The following NPSR1 variants were observed in gnomAD, a reference collection of about 807,000 sequenced individuals.
NPSR1 encodes neuropeptide S receptor 1.
In NPSR1, 48 loss-of-function variants were observed where a neutral mutation model predicts 46.9. The observed-to-expected ratio is 1.02, with a 90% confidence interval of 0.81 to 1.30. NPSR1 has a LOEUF of 1.30. Among genes scored for constraint, NPSR1 ranks in the 50% most tolerant of loss-of-function variants. The pLI is 0.00. For missense variants in NPSR1, 450 were observed against 449.5 expected (o/e 1.00, Z -0.01); for synonymous variants, 176 against 168.1 (o/e 1.05, Z -0.36).
At chr7:34,710,247 G>A (rs935034248) in intron 2 of NPSR1, among the ~76,000 whole-genome samples, 1 of 152,190 alleles carries the variant, frequency 6.6e-6, no homozygotes, top group Non-Finnish European at 1.5e-5. Context: ...GTTTGTAGAG[G>A]ATGAGTTTTT....
chr7:34,750,019 T>A (rs2128723318), intron 2 of NPSR1, among the ~76,000 whole-genome samples: 1 of 152,246 alleles, frequency 6.6e-6, no homozygotes, highest in East Asian at 1.9e-4. Context: ...ATTTATTCAT[T>A]AGAAAACAAG....
At chr7:34,722,451 C>T (rs1783909203) in intron 2 of NPSR1, among the ~76,000 whole-genome samples, 1 of 152,086 alleles carries the variant, frequency 6.6e-6, no homozygotes, top group South Asian at 2.1e-4. Flanking sequence ...GTTGTTATAT[C>T]TGGAGGAAAA....
rs376750816 is a variant in NPSR1, at chr7:34,714,508, C to T, written c.280+29824C>T. On this transcript the variant is annotated intron_variant, in intron 2 of 8. Transcript: ENST00000360581. ...AATAAGTCAATCCAATGGTGCACTTCAGAAGTGACCGTAAAACTCTCCTGT... is the reference window on the plus strand; with the variant it reads ...AATAAGTCAATCCAATGGTGCACTTTAGAAGTGACCGTAAAACTCTCCTGT... Among the ~76,000 whole-genome samples, 29 of 152,312 alleles carry T rather than the reference C, an allele frequency of 1.9e-4. No homozygotes were observed. The East Asian group carries it at 5.4e-3, about 28-fold the overall frequency.
intron 4 of NPSR1, among the ~76,000 whole-genome samples, chr7:34,818,681 A>C (rs1789382491): frequency 6.6e-6 from 1 of 152,242 alleles, no homozygotes; most frequent in Admixed American, 6.5e-5. Flanking sequence ...GTACAAGGCC[A>C]CAGTAACCAA....
chr7:34,681,536 T>C (rs1249769191), intron 1 of NPSR1, among the ~76,000 whole-genome samples: 4 of 152,196 alleles, frequency 2.6e-5, no homozygotes, highest in Non-Finnish European at 5.9e-5. Context: ...AAGAGATAGA[T>C]AGCACCTCTT....
chr7:34,700,867 A>G (rs1324316924), intron 2 of NPSR1, among the ~76,000 whole-genome samples: 2 of 152,210 alleles, frequency 1.3e-5, no homozygotes, highest in Non-Finnish European at 2.9e-5. Flanking sequence ...GTATAGTAAG[A>G]GGCATATTAT....
intron 2 of NPSR1, among the ~76,000 whole-genome samples, chr7:34,748,313 G>A (rs764250628): frequency 4.6e-5 from 7 of 152,294 alleles, no homozygotes; most frequent in African/African-American, 9.6e-5. Context: ...TCATGCCAGC[G>A]TCTGGCGGCA....
chr7:34,751,038 T>C, intron 2 of NPSR1: 1 of 774,258 alleles, frequency 1.3e-6, no homozygotes, highest in Non-Finnish European at 2.4e-6. Context: ...AGACTCAGGG[T>C]TGATGAGCAG....
intron 2 of NPSR1, among the ~76,000 whole-genome samples, chr7:34,768,045 T>A (rs562013621): frequency 5.7e-4 from 87 of 152,124 alleles, no homozygotes; most frequent in Non-Finnish European, 1.1e-3. Flanking sequence ...ATGCTAGAGA[T>A]GATAGATATG....
intron 2 of NPSR1, among the ~76,000 whole-genome samples, chr7:34,767,613 T>C (rs1303606181): frequency 2.0e-5 from 3 of 152,122 alleles, no homozygotes; most frequent in Admixed American, 6.5e-5. Flanking sequence ...GAGAACAAAG[T>C]ATTTAAAAAT....
Position 34,849,775 on chromosome 7 carries a change from A to G in NPSR1, c.*120A>G. The G allele has an allele frequency of 6.6e-7, 1 of 1,518,610 alleles. No homozygotes were observed. Among genetic ancestry groups the G allele is most frequent in the Non-Finnish European group, 8.8e-7 (1 of 1,135,926 alleles). 94.1% of individuals were successfully genotyped at this position (1,518,610 alleles called of 1,614,324 possible). On this transcript the variant is annotated 3_prime_UTR_variant, in exon 9 of 9. Transcript: ENST00000360581. Reference sequence around the variant, plus strand: ...CACCCCACCCTCGTCATTACCTGGGAGATGCACAAGACAAATGTTCTAATG... The same window carrying G: ...CACCCCACCCTCGTCATTACCTGGGGGATGCACAAGACAAATGTTCTAATG...
chr7:34,730,354 G>A (rs955565918), intron 2 of NPSR1, among the ~76,000 whole-genome samples: 2 of 152,110 alleles, frequency 1.3e-5, no homozygotes, highest in African/African-American at 4.8e-5. Flanking sequence ...CTCTGTACTT[G>A]CTGTTCCCTC....
intron 1 of NPSR1, among the ~76,000 whole-genome samples, chr7:34,675,429 C>T (rs1404944180): frequency 6.6e-6 from 1 of 152,230 alleles, no homozygotes; most frequent in Non-Finnish European, 1.5e-5. Flanking sequence ...CCTGACAGAT[C>T]CAGAATCAAC....
intron 4 of NPSR1, among the ~76,000 whole-genome samples, chr7:34,820,834 A>C (rs1230174547): frequency 6.6e-6 from 1 of 152,330 alleles, no homozygotes; most frequent in East Asian, 1.9e-4. Context: ...GGAATGTCTG[A>C]GTTAAGACAA....
In NPSR1 at chr7:34,878,261, G is replaced by T. The variant is rs575326120; in HGVS notation, c.*77G>T. On this transcript the variant is annotated 3_prime_UTR_variant, in exon 9 of 9. Coordinates refer to the NPSR1 transcript ENST00000359791. ...TGCTTACCAGGGCACAAGGACACCA[G>T]TGGTTCCCAAAATGGGTCACAGCAG... 1.5e-4 allele frequency: 124 copies of T among 823,206 alleles called. 1 individual carries two copies. In the East Asian group the frequency reaches 3.4e-3, roughly 22 times the overall value. The allele number at this position is 823,206 out of a possible 1,614,324, so 51.0% of individuals were successfully genotyped here.
chr7:34,827,341 C>T, intron 4 of NPSR1, 60 bp from the exon 5 acceptor site: 2 of 1,454,194 alleles, frequency 1.4e-6, no homozygotes, highest in South Asian at 1.2e-5. Context: ...TAGCAGACTC[C>T]ATTGTGCTCC....
At chr7:34,840,671 C>A (rs1014040192) in intron 6 of NPSR1, among the ~76,000 whole-genome samples, 1 of 152,170 alleles carries the variant, frequency 6.6e-6, no homozygotes, top group African/African-American at 2.4e-5. Flanking sequence ...TTTGAAGTGA[C>A]TGTGGCTGTG....
At chr7:34,839,259 C>A (rs1218194340) in intron 6 of NPSR1, among the ~76,000 whole-genome samples, 3 of 152,124 alleles carry the variant, frequency 2.0e-5, no homozygotes, top group African/African-American at 7.2e-5. Context: ...GTTGAATCTC[C>A]CCAGCTGATC....
At chr7:34,799,030 C>T (rs62462930) in intron 3 of NPSR1, among the ~76,000 whole-genome samples, 18,593 of 152,026 alleles carry the variant, frequency 0.12, 1,425 homozygotes, top group Non-Finnish European at 0.17. Context: ...ATAAACTAAT[C>T]TTAGGCCTTA....
Sources: gnomAD v4.1 joint callset for allele counts (sites outside exome capture counted in the v4.1 genomes callset) on GRCh38, gnomAD v4.1.1 for gene constraint, MANE v1.5 for transcripts, NCBI Gene and HGNC (gene_info 2026-07-23, HGNC 2026-07-21) for gene names.